RCSD1: variants seen among roughly 807,000 people sequenced by gnomAD.
The protein encoded by RCSD1 is capZ-interacting protein.
Under a neutral mutation model 42.5 loss-of-function variants are expected in RCSD1, and 26 were observed. That is an observed-to-expected ratio of 0.61 (90% CI 0.45 to 0.85). The LOEUF (loss-of-function observed/expected upper bound fraction) is 0.85, where lower values mean the gene tolerates loss of function less well. Among genes scored for constraint, RCSD1 ranks in the 40% least tolerant of loss-of-function variants. The pLI is 0.00. For synonymous variants in RCSD1, 220 were observed against 212.2 expected, an observed-to-expected ratio of 1.04 and a Z score of -0.32; for missense variants, 571 against 528.3, an observed-to-expected ratio of 1.08 and a Z score of -0.79.
Position 167,705,631 on chromosome 1 carries a change from C to A in RCSD1, c.*935C>A, listed in dbSNP as rs996718313. On this transcript the variant is annotated 3_prime_UTR_variant, in exon 7 of 7. Coordinates refer to ENST00000367854, the MANE Select transcript of RCSD1 (RefSeq NM_052862.4). ...TGTTTCCTGGGAGGTGCCTTGAGTA[C>A]CATTATGTGCAAGCTACATAATTAA... 1 of 152,228 alleles carries A rather than the reference C, an allele frequency of 6.6e-6. No individual in the cohort carries two copies. The highest frequency in any genetic ancestry group is 1.5e-5 in the Non-Finnish European group (1 of 68,046). The allele number at this position is 152,228 out of a possible 1,614,324, so 9.4% of individuals were successfully genotyped here.
At position 167,685,421 on chromosome 1, in the gene RCSD1, A is replaced by G. The variant is rs1484147685; in HGVS notation, c.109A>G (p.Thr37Ala). 6.2e-7 allele frequency: 1 copy of G among 1,613,072 alleles called. No individual in the cohort carries two copies. The highest frequency in any genetic ancestry group is 8.5e-7 in the Non-Finnish European group (1 of 1,179,604). Residue 37 changes from threonine (T) to alanine (A), a missense_variant and splice_region_variant, in exon 3 of 7, where the codon ACA (threonine) becomes GCA (alanine). By Grantham distance (58) the Thr-to-Ala change is moderately conservative. Transcript: ENST00000367854. ...FREQAAAAKE[T>A]PASKPTRRKP... ...TGTCTGTCTGTCGCCCTCCCTCCAG[A>G]CACCAGCCAGTAAACCAACCCGAAG... is the stretch of plus-strand genomic sequence containing the variant.
In RCSD1 at chr1:167,680,400, G is replaced by A. The variant is rs535066261; in HGVS notation, c.7-3500G>A. On this transcript the variant is annotated intron_variant, in intron 1 of 6. Transcript: ENST00000367854. ...GGCCCTGACACCAGCAGACCAGGTC[G>A]GATGGGAGGAGGAGGAGGAGGAGGA... is the stretch of plus-strand genomic sequence containing the variant. Among the ~76,000 whole-genome samples the A allele has an allele frequency of 5.3e-5, 8 of 152,204 alleles. No homozygotes were observed. In the South Asian group the frequency reaches 1.5e-3, roughly 28 times the overall value.
chr1:167,645,586 AC>A (rs1238140757), intron 1 of RCSD1, among the ~76,000 whole-genome samples: 1 of 152,224 alleles, frequency 6.6e-6, no homozygotes, highest in Non-Finnish European at 1.5e-5. Flanking sequence ...CAGAGTGGCC[AC>A]CAAAAACTAG....
chr1:167,634,471 T>G (rs1657782113), intron 1 of RCSD1, among the ~76,000 whole-genome samples: 1 of 152,180 alleles, frequency 6.6e-6, no homozygotes, highest in South Asian at 2.1e-4. Flanking sequence ...AAACCTGTTA[T>G]GATACAAATG....
intron 1 of RCSD1, among the ~76,000 whole-genome samples, chr1:167,658,455 T>C (rs1658470202): frequency 6.6e-6 from 1 of 152,210 alleles, no homozygotes; most frequent in African/African-American, 2.4e-5. Flanking sequence ...AGATGAAGTC[T>C]CGCTCTGTTG....
At chr1:167,690,022 G>C in intron 3 of RCSD1, 27 bp from the exon 4 acceptor site, 7 of 1,611,860 alleles carry the variant, frequency 4.3e-6, no homozygotes, top group Non-Finnish European at 5.9e-6. Context: ...TTACTTATCT[G>C]GTTGTTTTGG....
chr1:167,647,029 C>A (rs944242709), intron 1 of RCSD1, among the ~76,000 whole-genome samples: 1 of 150,362 alleles, frequency 6.7e-6, no homozygotes, highest in Non-Finnish European at 1.5e-5. Context: ...ACTTGGGAGG[C>A]TGTGGCAGGA....
At chr1:167,679,585 T>C (rs1571698759) in intron 1 of RCSD1, among the ~76,000 whole-genome samples, 1 of 152,206 alleles carries the variant, frequency 6.6e-6, no homozygotes, top group South Asian at 2.1e-4. Context: ...GAAGCAAACA[T>C]ACCTCAGACC....
In RCSD1 at chr1:167,704,879, A is replaced by T. The variant is rs1659721278; in HGVS notation, c.*183A>T. The T allele has an allele frequency of 1.7e-6, 1 of 573,044 alleles. No homozygotes were observed. Among genetic ancestry groups the T allele is most frequent in the South Asian group, 2.0e-5 (1 of 50,998 alleles). 35.5% of individuals were successfully genotyped at this position (573,044 alleles called of 1,614,324 possible). On this transcript the variant is annotated 3_prime_UTR_variant, in exon 7 of 7. Coordinates refer to ENST00000367854, the MANE Select transcript of RCSD1 (RefSeq NM_052862.4). ...CTCCACACCAAACGTTCCCTTGCAGATGGAGACTGAATCTGAGGGCAGCAG... is the reference window on the plus strand; with the variant it reads ...CTCCACACCAAACGTTCCCTTGCAGTTGGAGACTGAATCTGAGGGCAGCAG...
chr1:167,633,358 A>G (rs1431107398), intron 1 of RCSD1, among the ~76,000 whole-genome samples: 2 of 152,226 alleles, frequency 1.3e-5, no homozygotes, highest in African/African-American at 4.8e-5. Flanking sequence ...TAGGTTCAGA[A>G]GAAGCCTTGG....
Position 167,705,036 on chromosome 1 carries a change from C to A in RCSD1, c.*340C>A. 5.0e-6 allele frequency: 1 copy of A among 200,104 alleles called. No homozygotes were observed. Among genetic ancestry groups the A allele is most frequent in the Non-Finnish European group, 1.0e-5 (1 of 99,060 alleles). 12.4% of individuals were successfully genotyped at this position (200,104 alleles called of 1,614,324 possible). A position where few individuals can be genotyped will look rare whatever the true frequency, so the allele number is the denominator to read the frequency against. ...TGTGGAGCCCTGGATGCTATCCACA[C>A]CCACCTATCCCTGCAGCTAATTTAG... is the stretch of plus-strand genomic sequence containing the variant. On this transcript the variant is annotated 3_prime_UTR_variant, in exon 7 of 7. Coordinates refer to ENST00000367854, the MANE Select transcript of RCSD1 (RefSeq NM_052862.4).
chr1:167,685,283 C>T, intron 2 of RCSD1, 138 bp from the exon 3 acceptor site: 1 of 590,150 alleles, frequency 1.7e-6, no homozygotes. Context: ...TTAAATATTC[C>T]TACACTTCCC....
intron 1 of RCSD1, among the ~76,000 whole-genome samples, chr1:167,650,729 A>C (rs754270665): frequency 5.3e-5 from 8 of 152,196 alleles, no homozygotes; most frequent in African/African-American, 7.2e-5. Context: ...CAGGGAGTGG[A>C]GCCAATGGCT....
At chr1:167,638,713 C>T (rs1002581514) in intron 1 of RCSD1, among the ~76,000 whole-genome samples, 2 of 152,254 alleles carry the variant, frequency 1.3e-5, no homozygotes, top group Admixed American at 6.5e-5. Context: ...TGAAAGGCCC[C>T]AGTTGTGTCT....
At chr1:167,692,998 C>G (rs772470393) in intron 4 of RCSD1, among the ~76,000 whole-genome samples, 1 of 152,136 alleles carries the variant, frequency 6.6e-6, no homozygotes, top group Non-Finnish European at 1.5e-5. Flanking sequence ...AAGGTTTGGA[C>G]AGACAAAGAA....
At chr1:167,692,754 TATG>T (rs1311318528) in intron 4 of RCSD1, among the ~76,000 whole-genome samples, 1 of 152,220 alleles carries the variant, frequency 6.6e-6, no homozygotes, top group African/African-American at 2.4e-5. Flanking sequence ...GTCTTGTCTG[TATG>T]ATACCTTCTT....
intron 1 of RCSD1, among the ~76,000 whole-genome samples, chr1:167,679,803 G>A (rs922275394): frequency 1.1e-4 from 16 of 152,190 alleles, no homozygotes; most frequent in African/African-American, 3.9e-4. Flanking sequence ...GCAGAAGGTG[G>A]AGAGACAGGG....
In RCSD1 at chr1:167,704,930, AT is replaced by A. The variant is rs1469541575; in HGVS notation, c.*237del. ...ACTTTTATCAGCTTGAGTTTATGTC[AT>A]TTGATGGACTTGGTTCAACAACAAG... On this transcript the variant is annotated 3_prime_UTR_variant, in exon 7 of 7. Transcript: ENST00000367854. The A allele has an allele frequency of 4.1e-5, 20 of 492,144 alleles. No individual in the cohort carries two copies. The highest frequency in any genetic ancestry group is 7.5e-5 in the Non-Finnish European group (20 of 267,678). The allele number at this position is 492,144 out of a possible 1,614,324, so 30.5% of individuals were successfully genotyped here.
intron 1 of RCSD1, among the ~76,000 whole-genome samples, chr1:167,681,809 A>G (rs1432515254): frequency 6.6e-6 from 1 of 152,198 alleles, no homozygotes; most frequent in Non-Finnish European, 1.5e-5. Context: ...GAACAGCTCA[A>G]TTAATCACAC....
Sources: allele counts gnomAD v4.1 joint callset (sites outside exome capture counted in the v4.1 genomes callset), GRCh38; gene constraint gnomAD v4.1.1; transcripts MANE v1.5; gene names NCBI Gene and HGNC (gene_info 2026-07-23, HGNC 2026-07-21).